The following CDK19 variants were observed in gnomAD, a reference collection of about 807,000 sequenced individuals.
CDK19 encodes cyclin-dependent kinase 19.
Under a neutral mutation model 68.3 loss-of-function variants are expected in CDK19, and 20 were observed. The observed-to-expected ratio is 0.29, with a 90% confidence interval of 0.21 to 0.43. The LOEUF is 0.43. Among genes scored for constraint, CDK19 ranks in the 20% least tolerant of loss-of-function variants. The probability of loss-of-function intolerance (pLI) is 1.00; values close to 1 mark genes in which losing one functional copy is unlikely to be tolerated. For synonymous variants in CDK19, 221 were observed against 222.8 expected (o/e 0.99, Z 0.07); for missense variants, 339 against 623.5 (o/e 0.54, Z 4.86).
chr6:110,642,939 C>T (rs1780300501), intron 4 of CDK19, among the ~76,000 whole-genome samples: 1 of 152,126 alleles, frequency 6.6e-6, no homozygotes, highest in Non-Finnish European at 1.5e-5. Flanking sequence ...CCAGATTGCA[C>T]AAGAGATAAC....
intron 2 of CDK19, among the ~76,000 whole-genome samples, chr6:110,682,326 C>T (rs960172460): frequency 2.6e-5 from 4 of 152,090 alleles, no homozygotes; most frequent in Non-Finnish European, 5.9e-5. Context: ...CACCTCTTTC[C>T]CCTTCCCAAA....
intron 2 of CDK19, among the ~76,000 whole-genome samples, chr6:110,721,469 C>T (rs910840070): frequency 6.6e-6 from 1 of 151,924 alleles, no homozygotes; most frequent in African/African-American, 2.4e-5. Flanking sequence ...TTTGTGGGGG[C>T]GCAAATTCAA....
intron 1 of CDK19, among the ~76,000 whole-genome samples, chr6:110,777,378 C>T (rs1480467689): frequency 2.0e-5 from 3 of 152,082 alleles, no homozygotes; most frequent in African/African-American, 7.2e-5. Context: ...ACATAACTCA[C>T]TCAAACATTT....
At chr6:110,716,649 C>G (rs759946713) in intron 2 of CDK19, among the ~76,000 whole-genome samples, 2 of 152,024 alleles carry the variant, frequency 1.3e-5, no homozygotes, top group East Asian at 3.8e-4. Context: ...AAAAATTCCT[C>G]AAGTTAAACA....
chr6:110,623,763 T>G (rs142812633), intron 8 of CDK19, among the ~76,000 whole-genome samples: 1 of 88,406 alleles, frequency 1.1e-5, no homozygotes, highest in Non-Finnish European at 2.3e-5. Flanking sequence ...CATATATATA[T>G]ACACATATAT....
In CDK19 at chr6:110,638,713, A is replaced by T; in HGVS notation, c.457-7T>A. ...CTAGGATATTTGCTGGTTTCTAGAA[A>T]TAAAAATAGAGCATTCAAATTACCA... On this transcript the variant is annotated splice_polypyrimidine_tract_variant and splice_region_variant and intron_variant, in intron 4 of 12. Coordinates refer to ENST00000368911, the MANE Select transcript of CDK19 (RefSeq NM_015076.5). 6.7e-7 allele frequency: 1 copy of T among 1,503,736 alleles called. No homozygotes were observed. 93.1% of individuals were successfully genotyped at this position (1,503,736 alleles called of 1,614,324 possible).
intron 2 of CDK19, among the ~76,000 whole-genome samples, chr6:110,730,190 C>G (rs940379839): frequency 6.6e-6 from 1 of 152,050 alleles, no homozygotes; most frequent in Admixed American, 6.6e-5. Flanking sequence ...TGAAATCTCA[C>G]GAAGTTTTTC....
rs1162979705 is a variant in CDK19, at chr6:110,765,679, C to CA, written c.129-19479dup. Among the ~76,000 whole-genome samples, 163 of 63,982 alleles carry CA rather than the reference C, an allele frequency of 2.5e-3. 1 individual carries two copies. Among genetic ancestry groups the CA allele is most frequent in the Middle Eastern group, 0.021 (2 of 96 alleles). 42.0% of individuals were successfully genotyped at this position (63,982 alleles called of 152,430 possible). On this transcript the variant is annotated intron_variant, in intron 1 of 12. Coordinates refer to ENST00000368911, the MANE Select transcript of CDK19 (RefSeq NM_015076.5). The stretch of plus-strand genomic sequence containing the variant: ...CTGGTGATACAGCAAGACTCCATCT[C>CA]AAAAAAAAAAAAAAGACAAGGAGGG...
At chr6:110,675,752 C>CACT (rs1303286544) in intron 2 of CDK19, among the ~76,000 whole-genome samples, 1 of 152,012 alleles carries the variant, frequency 6.6e-6, no homozygotes, top group Non-Finnish European at 1.5e-5. Flanking sequence ...ATTTTAAGCC[C>CACT]ACTATTCGGA....
chr6:110,802,180 G>A (rs1246604875), intron 1 of CDK19, among the ~76,000 whole-genome samples: 1 of 152,102 alleles, frequency 6.6e-6, no homozygotes, highest in African/African-American at 2.4e-5. Flanking sequence ...CCCATTACTA[G>A]GTATCTACCC....
intron 4 of CDK19, among the ~76,000 whole-genome samples, chr6:110,649,834 C>T (rs1765578384): frequency 6.6e-6 from 1 of 152,048 alleles, no homozygotes; most frequent in Admixed American, 6.5e-5. Context: ...AAATTTAGAA[C>T]TACTGAATAG....
chr6:110,658,475 C>T (rs925079282), intron 4 of CDK19, among the ~76,000 whole-genome samples: 3 of 152,122 alleles, frequency 2.0e-5, no homozygotes, highest in Non-Finnish European at 4.4e-5. Context: ...ACTGATAAAT[C>T]AAATAAAAAT....
chr6:110,815,104 C>T lies in CDK19; in HGVS notation c.33G>A (p.Ala11=). MDYDFKAKLA[A]ERERVEDLFE... is the part of the protein sequence containing the mutation. Reference sequence around the variant, plus strand: ...ACAAATCCTCCACCCGCTCCCGCTCCGCCGCCAGCTTCGCCTTGAAATCAT... The same window carrying T: ...ACAAATCCTCCACCCGCTCCCGCTCTGCCGCCAGCTTCGCCTTGAAATCAT... The change falls in exon 1 of 13, where the codon GCG becomes GCA. Residue 11 remains alanine, a synonymous_variant. Coordinates refer to ENST00000368911, the MANE Select transcript of CDK19 (RefSeq NM_015076.5). 2 of 1,602,550 alleles carry T rather than the reference C, an allele frequency of 1.2e-6. No homozygotes were observed. The highest frequency in any genetic ancestry group is 8.5e-7 in the Non-Finnish European group (1 of 1,175,554).
chr6:110,814,129 G>GTAA (rs2115176855), intron 1 of CDK19: 1 of 170,738 alleles, frequency 5.9e-6, no homozygotes, highest in African/African-American at 2.4e-5. Context: ...CAACTCCTAG[G>GTAA]AAAACAAAGG....
chr6:110,694,414 A>C (rs904084516), intron 2 of CDK19, among the ~76,000 whole-genome samples: 1 of 152,238 alleles, frequency 6.6e-6, no homozygotes, highest in African/African-American at 2.4e-5. Flanking sequence ...AAAAAGACAA[A>C]GACGGACATT....
intron 4 of CDK19, among the ~76,000 whole-genome samples, chr6:110,645,241 A>G (rs895777070): frequency 6.6e-6 from 1 of 152,194 alleles, no homozygotes; most frequent in Non-Finnish European, 1.5e-5. Flanking sequence ...TTTTTTATCA[A>G]ACAGACTATG....
intron 2 of CDK19, among the ~76,000 whole-genome samples, chr6:110,707,117 C>T (rs967789258): frequency 2.6e-5 from 4 of 151,730 alleles, no homozygotes; most frequent in African/African-American, 7.3e-5. Context: ...TTGAGACCAG[C>T]CTGGCCAAAC....
In CDK19 at chr6:110,688,270, C is replaced by T. The variant is rs557361582; in HGVS notation, c.205-17729G>A. ...GCATGAATCACCTGAACCTGGGAGC[C>T]GGAGTCGTGCCACTGTACTCCAGCC... is the stretch of plus-strand genomic sequence containing the variant. On this transcript the variant is annotated intron_variant, in intron 2 of 12. Coordinates refer to ENST00000368911, the MANE Select transcript of CDK19 (RefSeq NM_015076.5). 2.8e-4 allele frequency among the ~76,000 whole-genome samples: 42 copies of T among 151,876 alleles called. No individual in the cohort carries two copies. The East Asian group carries it at 4.8e-3, about 17-fold the overall frequency.
chr6:110,762,929 T>C (rs1013403908), intron 1 of CDK19, among the ~76,000 whole-genome samples: 10 of 152,216 alleles, frequency 6.6e-5, no homozygotes, highest in African/African-American at 2.2e-4. Context: ...ATTTGATGAA[T>C]TGATTAACCG....
Sources: gnomAD v4.1 joint callset for allele counts (sites outside exome capture counted in the v4.1 genomes callset) on GRCh38, gnomAD v4.1.1 for gene constraint, MANE v1.5 for transcripts, NCBI Gene and HGNC (gene_info 2026-07-23, HGNC 2026-07-21) for gene names.